ZNF117: variants seen among roughly 807,000 people sequenced by gnomAD.
The protein encoded by ZNF117 is zinc finger protein 117.
Under a neutral mutation model 41.2 loss-of-function variants are expected in ZNF117, and 37 were observed. The ratio of observed to expected loss-of-function variants is 0.90; its 90% CI spans 0.69 to 1.18. The LOEUF (loss-of-function observed/expected upper bound fraction) is 1.18. ZNF117 is among the 50% of genes most tolerant of loss of function. The probability of loss-of-function intolerance (pLI) is 0.00; values close to 1 mark genes in which losing one functional copy is unlikely to be tolerated. For synonymous variants in ZNF117, 186 were observed against 186.6 expected (o/e 1.00, Z 0.02); for missense variants, 546 against 557.5 (o/e 0.98, Z 0.21).
At chr7:64,981,117 T>C (rs1225528017) in intron 2 of ZNF117, 1 of 369,340 alleles carries the variant, frequency 2.7e-6, no homozygotes, top group Admixed American at 4.8e-5. Context: ...AAAAAACCAG[T>C]CAGATTGTGC....
chr7:64,985,576 G>T (rs114958264), upstream of ZNF117, among the ~76,000 whole-genome samples: 2 of 152,080 alleles, frequency 1.3e-5, no homozygotes, highest in African/African-American at 4.8e-5. Context: ...GTGACAAAAG[G>T]TTTAACTGTT....
chr7:64,978,048 T>C (rs754462564), exon 3 of ZNF117: 18 of 1,494,684 alleles, frequency 1.2e-5, no homozygotes, highest in Non-Finnish European at 1.6e-5. Context: ...GTTAGAAGTT[T>C]TGCCACATTC....
chr7:64,975,169 A>C (rs1241199926), exon 3 of ZNF117: 1 of 151,926 alleles, frequency 6.6e-6, no homozygotes, highest in East Asian at 1.9e-4. Context: ...GATAGGTTGA[A>C]GTTAGTGGCA....
At chr7:64,975,205 T>G (rs1005986644) in exon 3 of ZNF117, 1 of 151,878 alleles carries the variant, frequency 6.6e-6, no homozygotes, top group Non-Finnish European at 1.5e-5. Context: ...GAATGCACAA[T>G]TGGTCTTAAC....
At chr7:64,985,576 G>A (rs114958264), upstream of ZNF117, among the ~76,000 whole-genome samples, 454 of 152,196 alleles carry the variant, frequency 3.0e-3, 1 homozygote, top group African/African-American at 0.011. Context: ...GTGACAAAAG[G>A]TTTAACTGTT....
chr7:64,972,946 G>A (rs1336954276), downstream of ZNF117: 9 of 151,812 alleles, frequency 5.9e-5, no homozygotes, highest in African/African-American at 2.2e-4. Context: ...ACACTAAAAG[G>A]GCAGCTGTTG....
At chr7:64,975,083 A>G (rs1243201488) in exon 3 of ZNF117, 1 of 152,020 alleles carries the variant, frequency 6.6e-6, no homozygotes, top group Non-Finnish European at 1.5e-5. Context: ...AAGAGAAATT[A>G]TTAGAGATGT....
intron 1 of ZNF117, among the ~76,000 whole-genome samples, chr7:64,987,623 A>T (rs1258790947): frequency 6.6e-6 from 1 of 152,148 alleles, no homozygotes; most frequent in African/African-American, 2.4e-5. Flanking sequence ...ACCCCACAAG[A>T]ATACAAATAA....
exon 3 of ZNF117, chr7:64,975,694 C>T (rs1785871102): frequency 6.6e-6 from 1 of 152,144 alleles, no homozygotes; most frequent in East Asian, 1.9e-4. Context: ...GTAATTATAA[C>T]TAAAAATATT....
chr7:64,977,953 G>T, exon 3 of ZNF117: 1 of 1,230,004 alleles, frequency 8.1e-7, no homozygotes. Context: ...GTTGAAGATT[G>T]GTTAAAAGCT....
chr7:64,988,168 G>A (rs930691852), intron 1 of ZNF117, among the ~76,000 whole-genome samples: 2 of 151,880 alleles, frequency 1.3e-5, no homozygotes, highest in African/African-American at 4.8e-5. Flanking sequence ...AAAACTTTAG[G>A]CCAATATCCT....
chr7:64,976,702 TA>T, exon 3 of ZNF117: 2 of 314,532 alleles, frequency 6.4e-6, no homozygotes, highest in South Asian at 5.6e-5. Flanking sequence ...GACAACCATT[TA>T]AAGGCTTTGT....
At chr7:64,972,457 C>T (rs1228684339), downstream of ZNF117, 3 of 151,888 alleles carry the variant, frequency 2.0e-5, no homozygotes, top group East Asian at 5.8e-4. Flanking sequence ...GAATACTCTT[C>T]GTCTTTAAAA....
At chr7:64,989,775 A>G (rs79053492) in intron 1 of ZNF117, among the ~76,000 whole-genome samples, 172 bp downstream of exon 1, 8 of 150,522 alleles carry the variant, frequency 5.3e-5, no homozygotes, top group African/African-American at 2.0e-4. Flanking sequence ...TTTTAAAAAA[A>G]AAGAAGAAGA....
At chr7:64,976,881 C>T in exon 3 of ZNF117, 1 of 486,186 alleles carries the variant, frequency 2.1e-6, no homozygotes, top group Non-Finnish European at 4.2e-6. Context: ...AGCATTGCCA[C>T]ATTCTTCACA....
exon 3 of ZNF117, chr7:64,977,106 G>A: frequency 1.9e-6 from 1 of 513,204 alleles, no homozygotes; most frequent in South Asian, 1.4e-5. Context: ...AGCAAGGTGT[G>A]AGAACTGTTT....
chr7:64,983,496 G>C (rs1786074286), upstream of ZNF117, among the ~76,000 whole-genome samples: 2 of 152,288 alleles, frequency 1.3e-5, no homozygotes, highest in Middle Eastern at 3.4e-3. Context: ...AACACAATTA[G>C]AGAAGTAAAG....
exon 3 of ZNF117, chr7:64,977,583 T>C (rs1785918431): frequency 1.7e-6 from 1 of 584,552 alleles, no homozygotes; most frequent in Non-Finnish European, 3.2e-6. Context: ...CTCTCCAGTA[T>C]GAATTCTTTT....
exon 3 of ZNF117, chr7:64,975,601 G>A (rs1322977202): frequency 1.3e-5 from 2 of 151,802 alleles, no homozygotes; most frequent in Non-Finnish European, 2.9e-5. Flanking sequence ...AGAATGAAAA[G>A]CATGAAGTAA....
Sources: gnomAD v4.1 joint callset for allele counts (sites outside exome capture counted in the v4.1 genomes callset) on GRCh38, gnomAD v4.1.1 for gene constraint, MANE v1.5 for transcripts, NCBI Gene and HGNC (gene_info 2026-07-23, HGNC 2026-07-21) for gene names.